CHD8: variants seen among roughly 807,000 people sequenced by gnomAD.
CHD8 encodes ATP-dependent chromatin remodeler CHD8.
A neutral mutation model predicts 279.2 loss-of-function variants in CHD8; 31 were observed. The observed-to-expected ratio is 0.11, with a 90% CI of 0.08 to 0.15. The LOEUF (loss-of-function observed/expected upper bound fraction) is 0.15, where lower values mean the gene tolerates loss of function less well. Among genes scored for constraint, CHD8 ranks in the 10% least tolerant of loss-of-function variants. CHD8 has a pLI of 1.00. For missense variants in CHD8, 2,146 were observed against 3,230.5 expected (o/e 0.66, Z 8.14); for synonymous variants, 1,081 against 1,139.6 (o/e 0.95, Z 1.04).
chr14:21,396,198 A>G (rs532093186), intron 27 of CHD8, among the ~76,000 whole-genome samples: 25 of 152,020 alleles, frequency 1.6e-4, no homozygotes, highest in Non-Finnish European at 2.2e-4. Flanking sequence ...GTTTTGCCAT[A>G]TTGCCCAGGC....
Position 21,392,676 on chromosome 14 carries a change from G to C in CHD8, c.6602C>G (p.Pro2201Arg), listed in dbSNP as rs1324903918. 1 of 1,613,820 alleles carries C rather than the reference G, an allele frequency of 6.2e-7. No individual in the cohort carries two copies. The highest frequency in any genetic ancestry group is 8.5e-7 in the Non-Finnish European group (1 of 1,179,882). ...ACCATATTCTCCAGGAGTCAATGAG[G>C]GACTGTCTAGCAAGTGGTTGCCTGG... ...LGPGNHLLDS[P>R]SLTPGEYGDS... Residue 2201 changes from proline (P) to arginine (R), a missense_variant, in exon 34 of 38, where the codon CCC becomes CGC. This residue lies in a region of CHD8 where 513 missense variants were observed against 637.6 expected (regional missense o/e 0.80). Coordinates refer to ENST00000646647, the MANE Select transcript of CHD8 (RefSeq NM_001170629.2).
chr14:21,405,543 A>G lies in CHD8; in HGVS notation c.3052-79T>C. On this transcript the variant is annotated intron_variant, in intron 15 of 37. Transcript: ENST00000646647. The surrounding 1 kb of genome is among the most constrained non-coding windows in gnomAD (Gnocchi z 4.2). ...TCACATTATGTAGAAACATGGAAAA[A>G]TTAGAGTTTTCCACTATCTAAGAAA... The G allele has an allele frequency of 6.5e-7, 1 of 1,533,850 alleles. No homozygotes were observed. Among genetic ancestry groups the G allele is most frequent in the Non-Finnish European group, 8.8e-7 (1 of 1,136,812 alleles).
chr14:21,406,076 A>G (rs1390644603), intron 14 of CHD8, among the ~76,000 whole-genome samples: 1 of 152,168 alleles, frequency 6.6e-6, no homozygotes, highest in Non-Finnish European at 1.5e-5. Context: ...TCTGACATTA[A>G]TGTATTGAAA....
chr14:21,447,111 G>C (rs1186863339), intron 1 of CHD8, among the ~76,000 whole-genome samples: 1 of 152,204 alleles, frequency 6.6e-6, no homozygotes, highest in Non-Finnish European at 1.5e-5. Flanking sequence ...CAAAAGGACA[G>C]TAGCACAGTT....
At chr14:21,397,995 T>A in intron 26 of CHD8, 43 bp from the exon 27 acceptor site, 1 of 1,563,294 alleles carries the variant, frequency 6.4e-7, no homozygotes, top group East Asian at 2.3e-5. Flanking sequence ...GAGATTTGTT[T>A]TGCCTTTATG....
Position 21,405,971 on chromosome 14 carries a change from C to T in CHD8, c.2908-107G>A. ...CATATATAACCTTTAATTTCTTTAT[C>T]TATAAAATGATGAGAATGGACCAGT... On this transcript the variant is annotated intron_variant, in intron 14 of 37. Transcript: ENST00000646647. This position sits in a 1 kb window ranked among gnomAD's most constrained non-coding sequence, Gnocchi z 4.2. 2.4e-6 allele frequency: 2 copies of T among 832,692 alleles called. No homozygotes were observed. Among genetic ancestry groups the T allele is most frequent in the Non-Finnish European group, 3.5e-6 (2 of 570,600 alleles). 51.6% of individuals were successfully genotyped at this position (832,692 alleles called of 1,614,324 possible).
chr14:21,414,347 T>C lies in CHD8; in HGVS notation c.2096A>G (p.Lys699Arg). 1 of 1,577,110 alleles carries C rather than the reference T, an allele frequency of 6.3e-7. No individual in the cohort carries two copies. The highest frequency in any genetic ancestry group is 2.3e-5 in the East Asian group (1 of 44,000). The change falls in exon 9 of 38, where the codon AAG becomes AGG. Residue 699 changes from lysine (K) to arginine (R), a missense_variant. Coordinates refer to ENST00000646647, the MANE Select transcript of CHD8 (RefSeq NM_001170629.2). The part of the protein sequence containing the change: ...EKDKRIHQKL[K>R]RFKTKMAQMR... The stretch of plus-strand genomic sequence containing the variant: ...CTGAGCCATTTTGGTTTTGAAGCGC[T>C]TTAATTTTTGATGTATCCTCTTATC...
rs1425359039 is a variant in CHD8, at chr14:21,431,309, G to A, written c.335C>T (p.Thr112Ile). 1 of 1,553,672 alleles carries A rather than the reference G, an allele frequency of 6.4e-7. No individual in the cohort carries two copies. The highest frequency in any genetic ancestry group is 1.2e-5 in the South Asian group (1 of 85,544). The change falls in exon 2 of 38, where the codon ACA (threonine) becomes ATA (isoleucine). Residue 112 changes from threonine (T) to isoleucine (I), a missense_variant. This residue lies in a region of CHD8 where 302 missense variants were observed against 325.5 expected (regional missense o/e 0.93). Coordinates refer to ENST00000646647, the MANE Select transcript of CHD8 (RefSeq NM_001170629.2). ...QEQPAQPVLQ[T>I]STPTSGLLQV... ...CAAAAGTCCTGATGTTGGCGTCGAT[G>A]TCTGTAAGACAGGTTGGGCTGGCTG...
At position 21,452,233 on chromosome 14, in the gene CHD8, G is replaced by A. The variant is rs909340194; in HGVS notation, c.-216+3799C>T. ...TTTTTGTATTTTTTTAAGTAGAGAC[G>A]GGGTTTCACCATGTTGGCTAGGATG... On this transcript the variant is annotated intron_variant, in intron 1 of 37. Transcript: ENST00000646647. Among the ~76,000 whole-genome samples, 16 of 152,160 alleles carry A rather than the reference G, an allele frequency of 1.1e-4. 1 individual carries two copies. Among genetic ancestry groups the A allele is most frequent in the African/African-American group, 2.6e-4 (11 of 41,560 alleles).
intron 36 of CHD8, among the ~76,000 whole-genome samples, 175 bp from the exon 37 acceptor site, chr14:21,391,238 T>C (rs958595145): frequency 2.0e-5 from 3 of 152,230 alleles, no homozygotes; most frequent in African/African-American, 7.2e-5. Flanking sequence ...GTGGTTTATA[T>C]AATAGTTCAA....
At chr14:21,407,788 T>TA (rs1888315795) in intron 13 of CHD8, among the ~76,000 whole-genome samples, 1 of 152,094 alleles carries the variant, frequency 6.6e-6, no homozygotes, top group Non-Finnish European at 1.5e-5. Context: ...TTTATATCTT[T>TA]AGTAGAGATG....
In CHD8 at chr14:21,431,616, C is replaced by T. The variant is rs767231058; in HGVS notation, c.28G>A (p.Asp10Asn). ...TCCAGGCCAAATAAATTTGGGTCAT[C>T]GAACAGATCCATGATGGGGTCTGCC... is the stretch of plus-strand genomic sequence containing the variant. MADPIMDLF[D>N]DPNLFGLDSL... Residue 10 changes from aspartate (D) to asparagine (N), a missense_variant, in exon 2 of 38, where the codon GAT becomes AAT. Asp to Asn is a conservative substitution (Grantham distance 23). This residue lies in a region of CHD8 where 302 missense variants were observed against 325.5 expected (regional missense o/e 0.93). Transcript: ENST00000646647. The T allele has an allele frequency of 1.2e-5, 18 of 1,537,822 alleles. No homozygotes were observed. Among genetic ancestry groups the T allele is most frequent in the Admixed American group, 5.9e-5 (3 of 50,960 alleles).
rs1281379250 is a variant in CHD8, at chr14:21,394,340, A to G, written c.5536T>C (p.Tyr1846His). The part of the protein sequence containing the change: ...DKKTDESLTK[Y>H]FHGFVAMCRQ... ...CACATGGCCACAAAGCCATGGAAGTACTTGGTAAGGCTTTCATCTGTCTTT... is the reference window on the plus strand; with the variant it reads ...CACATGGCCACAAAGCCATGGAAGTGCTTGGTAAGGCTTTCATCTGTCTTT... Residue 1846 changes from tyrosine to histidine, a missense_variant, in exon 31 of 38, where the codon TAC becomes CAC. Coordinates refer to ENST00000646647, the MANE Select transcript of CHD8 (RefSeq NM_001170629.2). 1 of 1,613,910 alleles carries G rather than the reference A, an allele frequency of 6.2e-7. No individual in the cohort carries two copies. Among genetic ancestry groups the G allele is most frequent in the Non-Finnish European group, 8.5e-7 (1 of 1,179,890 alleles).
rs757278444 is a variant in CHD8 at position 21,403,103 on chromosome 14, G to A, written c.3628C>T (p.Arg1210Trp). 1.2e-6 allele frequency: 2 copies of A among 1,614,032 alleles called. No homozygotes were observed. The highest frequency in any genetic ancestry group is 2.2e-5 in the East Asian group (1 of 44,886). ...SDRFVFLLCT[R>W]AGGLGINLTA... ...AGATTAATACCAAGTCCACCAGCCC[G>A]GGTACACAGTAAGAAGACAAAGCGG... Residue 1210 changes from arginine (R) to tryptophan (W), a missense_variant, in exon 18 of 38, where the codon CGG becomes TGG. Arg to Trp is a moderately radical substitution (Grantham distance 101). Around this residue, in one of 26 missense-constraint regions of CHD8, gnomAD observed 48 missense variants for 135.7 expected, o/e 0.35. Transcript: ENST00000646647. This position sits in a 1 kb window ranked among gnomAD's most constrained non-coding sequence, Gnocchi z 4.3.
intron 5 of CHD8, among the ~76,000 whole-genome samples, chr14:21,421,003 C>T (rs1300959217): frequency 6.6e-6 from 1 of 152,176 alleles, no homozygotes; most frequent in African/African-American, 2.4e-5. Flanking sequence ...CTCAGGTGAT[C>T]CACCTGCCTC....
Position 21,405,546 on chromosome 14 carries a change from A to G in CHD8, c.3052-82T>C. 1 of 1,523,560 alleles carries G rather than the reference A, an allele frequency of 6.6e-7. No homozygotes were observed. Among genetic ancestry groups the G allele is most frequent in the African/African-American group, 1.4e-5 (1 of 72,192 alleles). 94.4% of individuals were successfully genotyped at this position (1,523,560 alleles called of 1,614,324 possible). ...CATTATGTAGAAACATGGAAAAATT[A>G]GAGTTTTCCACTATCTAAGAAATGT... is the stretch of plus-strand genomic sequence containing the variant. On this transcript the variant is annotated intron_variant, in intron 15 of 37. Coordinates refer to ENST00000646647, the MANE Select transcript of CHD8 (RefSeq NM_001170629.2). This position sits in a 1 kb window ranked among gnomAD's most constrained non-coding sequence, Gnocchi z 4.2.
At position 21,392,765 on chromosome 14, in the gene CHD8, T is replaced by A; in HGVS notation, c.6513A>T (p.Val2171=). Residue 2171 remains valine, a synonymous_variant, in exon 34 of 38, where the codon GTA becomes GTT. Transcript: ENST00000646647. ...INRIDLVCQA[V]LSGKWPSSRR... ...GGCTAGAAGGCCACTTCCCTGAGAG[T>A]ACAGCCTGGCAGACGAGGTCAATAC... The A allele has an allele frequency of 6.2e-7, 1 of 1,613,830 alleles. No homozygotes were observed. Among genetic ancestry groups the A allele is most frequent in the Non-Finnish European group, 8.5e-7 (1 of 1,179,848 alleles).
chr14:21,386,663 C>T (rs1360206823), intron 37 of CHD8, among the ~76,000 whole-genome samples: 3 of 152,054 alleles, frequency 2.0e-5, no homozygotes, highest in South Asian at 2.1e-4. Context: ...CGGTGAAACC[C>T]GGTCTCTACT....
chr14:21,441,689 C>T (rs570786214), intron 1 of CHD8, among the ~76,000 whole-genome samples: 1 of 151,854 alleles, frequency 6.6e-6, no homozygotes, highest in African/African-American at 2.4e-5. Context: ...GAGATGGAGA[C>T]CATCCTGGCT....
Sources: allele counts gnomAD v4.1 joint callset (sites outside exome capture counted in the v4.1 genomes callset), GRCh38; gene constraint gnomAD v4.1.1; regional missense constraint gnomAD v4.1.1; non-coding constraint Gnocchi (gnomAD v3.1); transcripts MANE v1.5; gene names NCBI Gene and HGNC (gene_info 2026-07-23, HGNC 2026-07-21).